TMEM130: variants seen among roughly 807,000 people sequenced by gnomAD.
The protein encoded by TMEM130 is transmembrane protein 130.
In TMEM130, 37 loss-of-function variants were observed where a neutral mutation model predicts 42.9. The observed-to-expected ratio is 0.86, with a 90% CI of 0.66 to 1.13. The LOEUF (loss-of-function observed/expected upper bound fraction) is 1.13, where lower values mean the gene tolerates loss of function less well. Among genes scored for constraint, TMEM130 ranks in the 50% most tolerant of loss-of-function variants. The pLI is 0.00. For synonymous variants in TMEM130, 259 were observed against 237.7 expected (o/e 1.09, Z -0.82); for missense variants, 545 against 562.6 (o/e 0.97, Z 0.32).
intron 3 of TMEM130, among the ~76,000 whole-genome samples, chr7:98,859,324 A>C (rs1554399429): frequency 1.1e-4 from 17 of 152,152 alleles, no homozygotes. Context: ...AGAGAAACGA[A>C]GCCAGAGCAC....
At chr7:98,859,299 A>T (rs1794702203) in intron 3 of TMEM130, among the ~76,000 whole-genome samples, 1 of 152,078 alleles carries the variant, frequency 6.6e-6, no homozygotes, top group Non-Finnish European at 1.5e-5. Flanking sequence ...ACAAAAAGTT[A>T]AAAAGGAGCA....
Position 98,848,644 on chromosome 7 carries a change from A to T in TMEM130, c.1058T>A (p.Met353Lys). The change falls in exon 7 of 8, where the codon ATG (methionine) becomes AAG (lysine). Residue 353 changes from methionine (M) to lysine (K), a missense_variant. Met to Lys is a moderately conservative substitution (Grantham distance 95). Coordinates refer to ENST00000339375, the MANE Select transcript of TMEM130 (RefSeq NM_152913.3). Reference sequence around the variant, plus strand: ...GGTCATGTACATGATGAAGGCCAACATCACAGTGATAAGTGTAGCACATGG... The same window carrying T: ...GGTCATGTACATGATGAAGGCCAACTTCACAGTGATAAGTGTAGCACATGG... ...AFPCATLITV[M>K]LAFIMYMTLR... The T allele has an allele frequency of 5.6e-6, 9 of 1,614,174 alleles. No homozygotes were observed. Among genetic ancestry groups the T allele is most frequent in the Non-Finnish European group, 6.8e-6 (8 of 1,180,012 alleles).
intron 6 of TMEM130, among the ~76,000 whole-genome samples, chr7:98,849,950 C>CA (rs1291553249): frequency 6.6e-6 from 1 of 151,888 alleles, no homozygotes; most frequent in African/African-American, 2.4e-5. Flanking sequence ...CCAATGCTGT[C>CA]ATCAGCAAAG....
chr7:98,868,342 G>C (rs902469500), intron 1 of TMEM130, among the ~76,000 whole-genome samples: 1 of 152,184 alleles, frequency 6.6e-6, no homozygotes, highest in African/African-American at 2.4e-5. Context: ...GTCACCCAGA[G>C]CTCAAGGGGC....
rs1179088568 is a variant in TMEM130, at chr7:98,850,250, C to CATAT, written c.1006+1167_1006+1170dup. On this transcript the variant is annotated intron_variant, in intron 6 of 7. Transcript: ENST00000339375. ...TCCCTCTCTCTCTCTCTGTCTCTCT[C>CATAT]ATATATATATATATATATATATATT... 2.0e-4 allele frequency among the ~76,000 whole-genome samples: 13 copies of CATAT among 64,354 alleles called. 1 individual carries two copies. The highest frequency in any genetic ancestry group is 4.2e-4 in the East Asian group (1 of 2,374). The allele number at this position is 64,354 out of a possible 152,430, so 42.2% of individuals were successfully genotyped here.
At chr7:98,852,687 T>C (rs1794539349) in intron 5 of TMEM130, among the ~76,000 whole-genome samples, 1 of 151,958 alleles carries the variant, frequency 6.6e-6, no homozygotes, top group Non-Finnish European at 1.5e-5. Flanking sequence ...CTTTGCCTCC[T>C]GGGTTCAAGT....
At chr7:98,855,576 G>A (rs1488673109) in intron 4 of TMEM130, among the ~76,000 whole-genome samples, 3 of 152,216 alleles carry the variant, frequency 2.0e-5, no homozygotes, top group Non-Finnish European at 2.9e-5. Flanking sequence ...CCAAGTCATC[G>A]TCTGTGTCAC....
chr7:98,869,445 TC>T lies in TMEM130; in HGVS notation c.85+331del. The T allele has an allele frequency of 1.1e-6, 1 of 939,014 alleles. No homozygotes were observed. Among genetic ancestry groups the T allele is most frequent in the Non-Finnish European group, 1.3e-6 (1 of 787,590 alleles). The allele number at this position is 939,014 out of a possible 1,614,324, so 58.2% of individuals were successfully genotyped here. A position where few individuals can be genotyped will look rare whatever the true frequency, so the allele number is the denominator to read the frequency against. ...GCATCCCCGCCTCCCTGCCTCGTCC[TC>T]CCCTCCCTTAGCGGGTGCATGGTCC... is the stretch of plus-strand genomic sequence containing the variant. On this transcript the variant is annotated intron_variant, in intron 1 of 7. Transcript: ENST00000339375. This position sits in a 1 kb window ranked among gnomAD's most constrained non-coding sequence, Gnocchi z 4.7.
At chr7:98,864,169 C>A (rs1554400289) in intron 1 of TMEM130, among the ~76,000 whole-genome samples, 1 of 152,050 alleles carries the variant, frequency 6.6e-6, no homozygotes, top group African/African-American at 2.4e-5. Flanking sequence ...CTCTTCTGGA[C>A]AGGCCACACA....
intron 6 of TMEM130, among the ~76,000 whole-genome samples, chr7:98,850,273 A>ATATATATATATTTTT: frequency 2.0e-4 from 7 of 35,428 alleles, no homozygotes; most frequent in Admixed American, 4.3e-4. Flanking sequence ...ATATATATAT[A>ATATATATATATTTTT]TTTTTTTTTT....
chr7:98,865,583 GGAC>G (rs1458206105), intron 1 of TMEM130, among the ~76,000 whole-genome samples: 1 of 152,128 alleles, frequency 6.6e-6, no homozygotes, highest in Non-Finnish European at 1.5e-5. Context: ...ACTCCAGCCT[GGAC>G]GACAAGAGCG....
At chr7:98,859,020 AG>A (rs1554399398) in intron 3 of TMEM130, among the ~76,000 whole-genome samples, 3 of 143,746 alleles carry the variant, frequency 2.1e-5, no homozygotes, top group Non-Finnish European at 4.6e-5. Context: ...GGAAGGGGGA[AG>A]GAAGGAAGGA....
At chr7:98,856,629 C>T (rs782170495) in intron 3 of TMEM130, among the ~76,000 whole-genome samples, 20 of 152,258 alleles carry the variant, frequency 1.3e-4, no homozygotes, top group Non-Finnish European at 2.4e-4. Context: ...TCCCAAGTAG[C>T]AGGGATCACA....
Position 98,848,028 on chromosome 7 carries a change from A to G in TMEM130, c.*28T>C, listed in dbSNP as rs1794398099. 1.9e-6 allele frequency: 3 copies of G among 1,601,108 alleles called. No individual in the cohort carries two copies. The highest frequency in any genetic ancestry group is 2.2e-5 in the East Asian group (1 of 44,786). On this transcript the variant is annotated 3_prime_UTR_variant, in exon 8 of 8. Transcript: ENST00000339375. The stretch of plus-strand genomic sequence containing the variant: ...AACTCCAAGTCAGCAGTCAGTTAAC[A>G]CTGAGATGGGGTGGGGAGGGGGAGT...
At chr7:98,865,180 C>G (rs1285960238) in intron 1 of TMEM130, among the ~76,000 whole-genome samples, 4 of 152,226 alleles carry the variant, frequency 2.6e-5, no homozygotes, top group Admixed American at 1.3e-4. Flanking sequence ...GGCCCTGCCC[C>G]AGGAGACTGT....
intron 2 of TMEM130, 44 bp from the exon 3 acceptor site, chr7:98,860,382 G>A (rs1373118236): frequency 1.9e-6 from 3 of 1,539,354 alleles, no homozygotes; most frequent in Admixed American, 1.9e-5. Flanking sequence ...TGGAGATTCA[G>A]GGATCAGGAA....
intron 1 of TMEM130, among the ~76,000 whole-genome samples, chr7:98,864,430 T>C (rs1794864241): frequency 1.3e-5 from 2 of 149,638 alleles, no homozygotes. Flanking sequence ...TTGCCCAGCC[T>C]GGTCTCGAAC....
intron 1 of TMEM130, among the ~76,000 whole-genome samples, chr7:98,868,891 AAATTCGTCT>A (rs1200084829): frequency 5.3e-5 from 8 of 152,288 alleles, no homozygotes; most frequent in Non-Finnish European, 1.2e-4. Flanking sequence ...AATTCCCATA[AAATTCGTCT>A]AATTCATCCC....
intron 5 of TMEM130, 146 bp from the exon 6 acceptor site, chr7:98,851,769 T>A (rs1468285223): frequency 5.8e-6 from 4 of 693,488 alleles, no homozygotes; most frequent in South Asian, 4.0e-5. Flanking sequence ...GCTTCATGCA[T>A]TCCAGACCAG....
Sources: allele counts gnomAD v4.1 joint callset (sites outside exome capture counted in the v4.1 genomes callset), GRCh38; gene constraint gnomAD v4.1.1; non-coding constraint Gnocchi (gnomAD v3.1); transcripts MANE v1.5; gene names NCBI Gene and HGNC (gene_info 2026-07-23, HGNC 2026-07-21).